RIMS2: variants seen among roughly 807,000 people sequenced by gnomAD.
The protein encoded by RIMS2 is regulating synaptic membrane exocytosis 2.
Under a neutral mutation model 174.4 loss-of-function variants are expected in RIMS2, and 59 were observed. The observed-to-expected ratio is 0.34, with a 90% CI of 0.27 to 0.42. The LOEUF is 0.42. Ranked by LOEUF, RIMS2 falls within the 10% of genes least tolerant of loss-of-function variation. The pLI is 1.00. For synonymous variants in RIMS2, 606 were observed against 572.5 expected (o/e 1.06, Z -0.84); for missense variants, 1,620 against 1,666.3 (o/e 0.97, Z 0.48).
intron 3 of RIMS2, among the ~76,000 whole-genome samples, chr8:103,823,106 G>A (rs2098763609): frequency 6.6e-6 from 1 of 151,836 alleles, no homozygotes; most frequent in Admixed American, 6.6e-5. Flanking sequence ...ACAACGAAGA[G>A]ATCTGTATTT....
intron 3 of RIMS2, among the ~76,000 whole-genome samples, chr8:103,821,720 A>G (rs2098753026): frequency 6.6e-6 from 1 of 151,724 alleles, no homozygotes; most frequent in Admixed American, 6.6e-5. Context: ...TTTAAACAAT[A>G]TAAATGCCTA....
chr8:103,792,168 G>A (rs1375810638), intron 3 of RIMS2, among the ~76,000 whole-genome samples: 2 of 152,118 alleles, frequency 1.3e-5, no homozygotes, highest in Non-Finnish European at 2.9e-5. Context: ...CACATCGTTG[G>A]AAGTAAAGCA....
At chr8:103,903,987 G>T (rs1167464646) in intron 4 of RIMS2, among the ~76,000 whole-genome samples, 2 of 151,978 alleles carry the variant, frequency 1.3e-5, no homozygotes, top group African/African-American at 2.4e-5. Flanking sequence ...TATAGTTCTA[G>T]GACATCTTAT....
chr8:103,766,161 GTC>G, intron 2 of RIMS2, 64 bp from the exon 6 acceptor site: 3 of 1,158,882 alleles, frequency 2.6e-6, no homozygotes, highest in Non-Finnish European at 3.7e-6. Flanking sequence ...TTGAATTTTT[GTC>G]TCTTTTTATT....
intron 3 of RIMS2, among the ~76,000 whole-genome samples, chr8:103,799,245 T>G (rs898886615): frequency 6.6e-6 from 1 of 152,190 alleles, no homozygotes; most frequent in Non-Finnish European, 1.5e-5. Context: ...CTGACCTACA[T>G]AAGTGTAAGA....
At chr8:103,714,100 C>G (rs1221727669) in intron 2 of RIMS2, among the ~76,000 whole-genome samples, 1 of 152,128 alleles carries the variant, frequency 6.6e-6, no homozygotes, top group Non-Finnish European at 1.5e-5. Flanking sequence ...CAATCTAGTA[C>G]TCTCAAAAGT....
intron 19 of RIMS2, among the ~76,000 whole-genome samples, chr8:104,055,863 C>T (rs2096859732): frequency 6.6e-6 from 1 of 152,110 alleles, no homozygotes; most frequent in Non-Finnish European, 1.5e-5. Flanking sequence ...GTCTGTCTCT[C>T]CTAGGCTCTG....
At chr8:103,945,462 A>T (rs913830777) in intron 14 of RIMS2, among the ~76,000 whole-genome samples, 13 of 152,098 alleles carry the variant, frequency 8.5e-5, no homozygotes, top group Non-Finnish European at 1.0e-4. Flanking sequence ...TCCTCATACC[A>T]AAGTCAGACA....
At chr8:104,203,313 A>T (rs111475034) in intron 19 of RIMS2, among the ~76,000 whole-genome samples, 1 of 152,040 alleles carries the variant, frequency 6.6e-6, no homozygotes, top group African/African-American at 2.4e-5. Context: ...AAAATAGTAA[A>T]TTTCTTAAAC....
chr8:103,602,534 A>G (rs1250571914), intron 1 of RIMS2, among the ~76,000 whole-genome samples: 2 of 151,994 alleles, frequency 1.3e-5, no homozygotes, highest in Admixed American at 6.6e-5. Flanking sequence ...TTTAGCTCCC[A>G]CTTACAAGTG....
chr8:103,759,426 G>A (rs367550084), intron 2 of RIMS2, among the ~76,000 whole-genome samples: 17 of 151,896 alleles, frequency 1.1e-4, no homozygotes, highest in African/African-American at 3.6e-4. Flanking sequence ...TTAGCTGGGC[G>A]TGGCGGTGGG....
chr8:103,560,719 A>G (rs1049939939), intron 1 of RIMS2, among the ~76,000 whole-genome samples: 2 of 152,204 alleles, frequency 1.3e-5, no homozygotes, highest in African/African-American at 4.8e-5. Context: ...AATTTAAGAT[A>G]TGTTTTTAAA....
chr8:104,169,878 A>G (rs1359522754), intron 19 of RIMS2, among the ~76,000 whole-genome samples: 1 of 152,038 alleles, frequency 6.6e-6, no homozygotes, highest in African/African-American at 2.4e-5. Context: ...CATTATTATC[A>G]TTAATTTCAA....
At chr8:103,602,345 T>C (rs1392552139) in intron 1 of RIMS2, among the ~76,000 whole-genome samples, 1 of 152,158 alleles carries the variant, frequency 6.6e-6, no homozygotes, top group Non-Finnish European at 1.5e-5. Context: ...GTGCAGGTTT[T>C]TATATAGGTA....
intron 19 of RIMS2, among the ~76,000 whole-genome samples, chr8:104,068,833 G>A (rs2097148350): frequency 6.6e-6 from 1 of 152,126 alleles, no homozygotes; most frequent in Non-Finnish European, 1.5e-5. Flanking sequence ...TTAAACATCT[G>A]AAGGACAAAT....
chr8:104,226,097 A>G (rs1431036229), intron 19 of RIMS2, among the ~76,000 whole-genome samples: 1 of 152,166 alleles, frequency 6.6e-6, no homozygotes, highest in East Asian at 1.9e-4. Flanking sequence ...ATTCAGGATT[A>G]TGTTACTATT....
chr8:103,620,824 CA>C (rs1393704552), intron 1 of RIMS2, among the ~76,000 whole-genome samples: 1 of 152,092 alleles, frequency 6.6e-6, no homozygotes, highest in East Asian at 1.9e-4. Context: ...ACACCCTTTT[CA>C]AAACTAAATT....
intron 3 of RIMS2, among the ~76,000 whole-genome samples, chr8:103,770,610 C>A (rs2098241287): frequency 6.6e-6 from 1 of 152,016 alleles, no homozygotes; most frequent in Admixed American, 6.6e-5. Context: ...GCTCTCTGAT[C>A]TTTTCAGAAA....
intron 9 of RIMS2, chr8:103,921,002 G>GCAA (rs112922890): frequency 0.13 from 25,049 of 196,682 alleles, 1,556 homozygotes; most frequent in African/African-American, 0.17. Context: ...CTGTCTCAAA[G>GCAA]CAACAACAAC....
Sources: gnomAD v4.1 joint callset for allele counts (sites outside exome capture counted in the v4.1 genomes callset) on GRCh38, gnomAD v4.1.1 for gene constraint, MANE v1.5 for transcripts, NCBI Gene and HGNC (gene_info 2026-07-23, HGNC 2026-07-21) for gene names.